The following OR56A1 variants were observed in gnomAD, a reference collection of about 807,000 sequenced individuals.
OR56A1 encodes the protein olfactory receptor 56A1.
For missense variants in OR56A1, 360 were observed against 380.9 expected (o/e 0.94, Z 0.46); for synonymous variants, 174 against 159.1 (o/e 1.09, Z -0.70).
intron 1 of OR56A1, 61 bp from the exon 2 acceptor site, chr11:6,027,787 T>C (rs1848471837): frequency 4.7e-6 from 5 of 1,057,120 alleles, no homozygotes; most frequent in Non-Finnish European, 6.9e-6. Flanking sequence ...AGTATCCCTT[T>C]CACTTACTCT....
rs886197913 is a variant in OR56A1, at chr11:6,021,167, T to A, written c.*5581A>T. 6.6e-6 allele frequency: 1 copy of A among 152,056 alleles called. No homozygotes were observed. The highest frequency in any genetic ancestry group is 2.4e-5 in the African/African-American group (1 of 41,446). 9.4% of individuals were successfully genotyped at this position (152,056 alleles called of 1,614,324 possible). On this transcript the variant is annotated 3_prime_UTR_variant, in exon 2 of 2. Coordinates refer to ENST00000641900, the MANE Select transcript of OR56A1 (RefSeq NM_001388488.1). ...GAGTGTGATCACTAGCACATTGAAC[T>A]GACCTGATACAGATAGATCAAAAAC...
rs1444451486 is a variant in OR56A1 at position 6,023,909 on chromosome 11, T to G, written c.*2839A>C. The G allele has an allele frequency of 1.3e-5, 2 of 152,198 alleles. No homozygotes were observed. The highest frequency in any genetic ancestry group is 2.9e-5 in the Non-Finnish European group (2 of 68,046). 9.4% of individuals were successfully genotyped at this position (152,198 alleles called of 1,614,324 possible). A position where few individuals can be genotyped will look rare whatever the true frequency, so the allele number is the denominator to read the frequency against. On this transcript the variant is annotated 3_prime_UTR_variant, in exon 2 of 2. Transcript: ENST00000641900. ...TGGTCTGATTCTTTGGTTATCTTGC[T>G]CCTTTATCATCTGTATGAGGATTTA...
At chr11:6,031,467 C>A (rs892596123), upstream of OR56A1, among the ~76,000 whole-genome samples, 3 of 152,056 alleles carry the variant, frequency 2.0e-5, no homozygotes, top group Non-Finnish European at 2.9e-5. Context: ...GAAAGAATGG[C>A]GGCCGCAATA....
chr11:6,026,506 G>A lies in OR56A1; in HGVS notation c.*242C>T. The stretch of plus-strand genomic sequence containing the variant: ...ACAATGCCTGCAGAGATGTGTTGAA[G>A]ATTAAATTACTTAAATGTAACTGCC... On this transcript the variant is annotated 3_prime_UTR_variant, in exon 2 of 2. Transcript: ENST00000641900. 6 of 467,750 alleles carry A rather than the reference G, an allele frequency of 1.3e-5. No homozygotes were observed. The highest frequency in any genetic ancestry group is 2.3e-5 in the Non-Finnish European group (6 of 265,682). The allele number at this position is 467,750 out of a possible 1,614,324, so 29.0% of individuals were successfully genotyped here.
chr11:6,021,360 A>G lies in OR56A1; in HGVS notation c.*5388T>C, dbSNP rs1848394015. 6.6e-6 allele frequency: 1 copy of G among 152,238 alleles called. No individual in the cohort carries two copies. Among genetic ancestry groups the G allele is most frequent in the Non-Finnish European group, 1.5e-5 (1 of 67,974 alleles). 9.4% of individuals were successfully genotyped at this position (152,238 alleles called of 1,614,324 possible). On this transcript the variant is annotated 3_prime_UTR_variant, in exon 2 of 2. Transcript: ENST00000641900. Reference sequence around the variant, plus strand: ...AACTAAAGGATGATAATAGTCAACAATATATTGTATATTTTCAAATAGCTA... The same window carrying G: ...AACTAAAGGATGATAATAGTCAACAGTATATTGTATATTTTCAAATAGCTA...
Position 6,027,249 on chromosome 11 carries a change from A to G in OR56A1, c.444T>C (p.Ser148=). 3 of 1,614,218 alleles carry G rather than the reference A, an allele frequency of 1.9e-6. No homozygotes were observed. Among genetic ancestry groups the G allele is most frequent in the Non-Finnish European group, 2.5e-6 (3 of 1,180,028 alleles). ...GCGCATTCCGCACCACAATGAAGAC[A>G]CTAGCTTTGGCCACAAATTGATTAG... ...IITNQFVAKA[S]VFIVVRNALL... Residue 148 remains serine, a synonymous_variant, in exon 2 of 2, where the codon AGT becomes AGC. Transcript: ENST00000641900.
At position 6,022,681 on chromosome 11, in the gene OR56A1, A is replaced by G. The variant is rs948733250; in HGVS notation, c.*4067T>C. ...GTCCCTATTGATTAAATGACTATGTATAATTTATCATTTTGCTCAGTTGCC... is the reference window on the plus strand; with the variant it reads ...GTCCCTATTGATTAAATGACTATGTGTAATTTATCATTTTGCTCAGTTGCC... On this transcript the variant is annotated 3_prime_UTR_variant, in exon 2 of 2. Coordinates refer to ENST00000641900, the MANE Select transcript of OR56A1 (RefSeq NM_001388488.1). The G allele has an allele frequency of 4.6e-5, 7 of 152,146 alleles. No individual in the cohort carries two copies. Among genetic ancestry groups the G allele is most frequent in the Admixed American group, 4.6e-4 (7 of 15,274 alleles). 9.4% of individuals were successfully genotyped at this position (152,146 alleles called of 1,614,324 possible).
chr11:6,031,425 A>G (rs1309038065), upstream of OR56A1, among the ~76,000 whole-genome samples: 1 of 152,176 alleles, frequency 6.6e-6, no homozygotes, highest in African/African-American at 2.4e-5. Context: ...ATTATTATGC[A>G]TGAACTTGGG....
upstream of OR56A1, among the ~76,000 whole-genome samples, chr11:6,031,433 G>C (rs1590491330): frequency 6.6e-6 from 1 of 152,134 alleles, no homozygotes; most frequent in Non-Finnish European, 1.5e-5. Flanking sequence ...GCATGAACTT[G>C]GGTAAGGCAA....
chr11:6,027,746 CA>C lies in OR56A1; in HGVS notation c.-34-21del. 7.3e-7 allele frequency: 1 copy of C among 1,369,730 alleles called. No homozygotes were observed. The highest frequency in any genetic ancestry group is 1.4e-5 in the South Asian group (1 of 70,858). The allele number at this position is 1,369,730 out of a possible 1,614,324, so 84.8% of individuals were successfully genotyped here. A position where few individuals can be genotyped will look rare whatever the true frequency, so the allele number is the denominator to read the frequency against. On this transcript the variant is annotated intron_variant, in intron 1 of 1. Coordinates refer to ENST00000641900, the MANE Select transcript of OR56A1 (RefSeq NM_001388488.1). ...TGATGACTATGTTTATGGGCAGATA[CA>C]AGAGGTTATTTTTACAAATTGCTTT...
At chr11:6,028,703 C>T (rs958412078) in intron 1 of OR56A1, among the ~76,000 whole-genome samples, 1 of 152,058 alleles carries the variant, frequency 6.6e-6, no homozygotes, top group African/African-American at 2.4e-5. Context: ...TAAATTAGTA[C>T]AGCCTCAAAG....
Position 6,022,658 on chromosome 11 carries a change from C to G in OR56A1, c.*4090G>C, listed in dbSNP as rs750099537. 2.0e-5 allele frequency: 3 copies of G among 152,176 alleles called. No homozygotes were observed. Among genetic ancestry groups the G allele is most frequent in the South Asian group, 4.2e-4 (2 of 4,816 alleles). The allele number at this position is 152,176 out of a possible 1,614,324, so 9.4% of individuals were successfully genotyped here. On this transcript the variant is annotated 3_prime_UTR_variant, in exon 2 of 2. Coordinates refer to ENST00000641900, the MANE Select transcript of OR56A1 (RefSeq NM_001388488.1). Reference sequence around the variant, plus strand: ...CTTACTTCTCAATTTTAACTCTGGTCCCTATTGATTAAATGACTATGTATA... The same window carrying G: ...CTTACTTCTCAATTTTAACTCTGGTGCCTATTGATTAAATGACTATGTATA...
At chr11:6,033,866 C>T (rs977830464), upstream of OR56A1, among the ~76,000 whole-genome samples, 1 of 152,126 alleles carries the variant, frequency 6.6e-6, no homozygotes, top group Non-Finnish European at 1.5e-5. Context: ...AGACAGAATT[C>T]AGGGAAATAT....
rs778067488 is a variant in OR56A1, at chr11:6,026,999, T to C, written c.694A>G (p.Lys232Glu). ...TFILRAVLRF[K>E]AEGAAVKALS... The stretch of plus-strand genomic sequence containing the variant: ...GCCTTCACTGCCGCCCCCTCTGCTT[T>C]GAATCTAAGCACAGCTCTTAGAATG... Residue 232 changes from lysine to glutamate, a missense_variant, in exon 2 of 2, where the codon AAA becomes GAA. By Grantham distance (56) the Lys-to-Glu change is moderately conservative. Transcript: ENST00000641900. 2.5e-6 allele frequency: 4 copies of C among 1,613,776 alleles called. No individual in the cohort carries two copies. In the East Asian group the frequency reaches 8.9e-5, roughly 36 times the overall value.
rs1272293206 is a variant in OR56A1, at chr11:6,021,539, TA to T, written c.*5208del. 3.3e-5 allele frequency: 5 copies of T among 152,048 alleles called. No individual in the cohort carries two copies. Among genetic ancestry groups the T allele is most frequent in the South Asian group, 4.1e-4 (2 of 4,832 alleles). 9.4% of individuals were successfully genotyped at this position (152,048 alleles called of 1,614,324 possible). On this transcript the variant is annotated 3_prime_UTR_variant, in exon 2 of 2. Coordinates refer to ENST00000641900, the MANE Select transcript of OR56A1 (RefSeq NM_001388488.1). Reference sequence around the variant, plus strand: ...ATCAATTTTAAAATGAATAATTAAATAAAAAATTATTTAAAGTACTGATACT... The same window carrying T: ...ATCAATTTTAAAATGAATAATTAAATAAAAATTATTTAAAGTACTGATACT...
chr11:6,031,361 AG>A (rs1848510500), upstream of OR56A1, among the ~76,000 whole-genome samples: 1 of 152,212 alleles, frequency 6.6e-6, no homozygotes, highest in Admixed American at 6.5e-5. Context: ...TATTTCCATT[AG>A]AAGAGAGACA....
In OR56A1 at chr11:6,024,699, A is replaced by G. The variant is rs1392282417; in HGVS notation, c.*2049T>C. The G allele has an allele frequency of 1.3e-5, 2 of 152,236 alleles. No homozygotes were observed. The highest frequency in any genetic ancestry group is 1.3e-4 in the Admixed American group (2 of 15,282). 9.4% of individuals were successfully genotyped at this position (152,236 alleles called of 1,614,324 possible). A position where few individuals can be genotyped will look rare whatever the true frequency, so the allele number is the denominator to read the frequency against. On this transcript the variant is annotated 3_prime_UTR_variant, in exon 2 of 2. Coordinates refer to ENST00000641900, the MANE Select transcript of OR56A1 (RefSeq NM_001388488.1). Reference sequence around the variant, plus strand: ...AAACACATGAACTTGGATTTTCATTATAAGTATTATTTTAGAAAATCAGTG... The same window carrying G: ...AAACACATGAACTTGGATTTTCATTGTAAGTATTATTTTAGAAAATCAGTG...
At position 6,026,835 on chromosome 11, in the gene OR56A1, A is replaced by C. The variant is rs375018048; in HGVS notation, c.858T>G (p.Ile286Met). The change falls in exon 2 of 2, where the codon ATT becomes ATG. Residue 286 changes from isoleucine to methionine, a missense_variant. Coordinates refer to ENST00000641900, the MANE Select transcript of OR56A1 (RefSeq NM_001388488.1). ...LILLNVLHHLIPPALNPIVYG... is the reference protein window; with the variant it reads ...LILLNVLHHLMPPALNPIVYG... ...ACACAATAGGGTTCAATGCAGGAGG[A>C]ATAAGGTGATGAAGGACGTTCAGCA... 6.2e-6 allele frequency: 10 copies of C among 1,614,046 alleles called. No homozygotes were observed. The highest frequency in any genetic ancestry group is 2.7e-5 in the African/African-American group (2 of 74,940).
intron 1 of OR56A1, 95 bp from the exon 2 acceptor site, chr11:6,027,821 T>C (rs1280620135): frequency 1.3e-6 from 1 of 786,780 alleles, no homozygotes; most frequent in African/African-American, 1.7e-5. Context: ...GATAGGTAGT[T>C]CACTTTTGCC....
Sources: allele counts gnomAD v4.1 joint callset (sites outside exome capture counted in the v4.1 genomes callset), GRCh38; gene constraint gnomAD v4.1.1; transcripts MANE v1.5; gene names NCBI Gene and HGNC (gene_info 2026-07-23, HGNC 2026-07-21).